Variants in DEFB121 observed in about 807,000 individuals in gnomAD.
The protein encoded by DEFB121 is beta-defensin 121.
Under a neutral mutation model 2.5 loss-of-function variants are expected in DEFB121, and 5 were observed. The observed-to-expected ratio is 1.96, with a 90% confidence interval of 1.03 to 4.13. The LOEUF (loss-of-function observed/expected upper bound fraction) is 4.13. Among genes scored for constraint, DEFB121 ranks in the 30% most tolerant of loss-of-function variants. The pLI is 0.00. For synonymous variants in DEFB121, 39 were observed against 32.6 expected (o/e 1.20, Z -0.67); for missense variants, 87 against 85.0 (o/e 1.02, Z -0.09).
chr20:31,406,400 C>G (rs1039501349), upstream of DEFB121: 6 of 665,720 alleles, frequency 9.0e-6, no homozygotes, highest in African/African-American at 7.5e-5. Context: ...GGCCTTGCCT[C>G]TGAAGAATTT....
upstream of DEFB121, among the ~76,000 whole-genome samples, chr20:31,413,535 G>T (rs1292616957): frequency 6.6e-6 from 1 of 152,202 alleles, no homozygotes. Context: ...TCCACTGAAG[G>T]CTGGCTGGGG....
chr20:31,409,602 A>G (rs1978600856), upstream of DEFB121, among the ~76,000 whole-genome samples: 1 of 152,020 alleles, frequency 6.6e-6, no homozygotes, highest in Non-Finnish European at 1.5e-5. Context: ...TTAGCCAGAC[A>G]TGGTGGCGGG....
At chr20:31,416,833 G>A (rs1343127902), upstream of DEFB121, among the ~76,000 whole-genome samples, 1 of 152,000 alleles carries the variant, frequency 6.6e-6, no homozygotes, top group Non-Finnish European at 1.5e-5. Flanking sequence ...GGTCTATTTG[G>A]TCTTTTTTTT....
upstream of DEFB121, among the ~76,000 whole-genome samples, chr20:31,406,427 A>T (rs576415213): frequency 6.6e-6 from 1 of 152,300 alleles, no homozygotes; most frequent in African/African-American, 2.4e-5. Flanking sequence ...ACAGCTGGAG[A>T]ACCAAGAAGG....
At chr20:31,405,197 G>T in intron 1 of DEFB121, 112 bp from the exon 2 acceptor site, 1 of 1,041,950 alleles carries the variant, frequency 9.6e-7, no homozygotes, top group Non-Finnish European at 1.4e-6. Flanking sequence ...GAGGAGGTCT[G>T]TGGGGAAGAA....
upstream of DEFB121, among the ~76,000 whole-genome samples, chr20:31,406,836 G>T (rs1215995956): frequency 1.3e-5 from 2 of 151,956 alleles, no homozygotes; most frequent in Non-Finnish European, 2.9e-5. Flanking sequence ...GTCTTGTTCT[G>T]TCACCCAGGC....
In DEFB121 at chr20:31,406,136, A is replaced by G. The variant is rs1356366304; in HGVS notation, c.17T>C (p.Leu6Pro). The change falls in exon 1 of 2, where the codon CTG (leucine) becomes CCG (proline). Residue 6 changes from leucine to proline, a missense_variant. Physicochemically the swap from Leu to Pro is moderately conservative, Grantham distance 98. Transcript: ENST00000376314. ...CAGGAGCAGAGTAACAGTCAAAAGC[A>G]GAAGAAGGAGCTTCATGAATGATGA... MKLLL[L>P]LLTVTLLLAQ... is the part of the protein sequence containing the mutation. 3.7e-6 allele frequency: 6 copies of G among 1,613,994 alleles called. No individual in the cohort carries two copies. The highest frequency in any genetic ancestry group is 5.1e-6 in the Non-Finnish European group (6 of 1,179,996).
At chr20:31,407,421 G>A (rs192128257), upstream of DEFB121, among the ~76,000 whole-genome samples, 223 of 152,268 alleles carry the variant, frequency 1.5e-3, no homozygotes, top group Middle Eastern at 6.8e-3. Flanking sequence ...CAGAAGTGAC[G>A]GTGTGCCGGT....
At chr20:31,406,993 G>A (rs1978500881), upstream of DEFB121, among the ~76,000 whole-genome samples, 1 of 151,916 alleles carries the variant, frequency 6.6e-6, no homozygotes, top group African/African-American at 2.4e-5. Flanking sequence ...ATGGTAGATT[G>A]CCCCAGCAAC....
upstream of DEFB121, among the ~76,000 whole-genome samples, chr20:31,409,001 G>A (rs1045872765): frequency 2.0e-5 from 3 of 150,866 alleles, no homozygotes; most frequent in Non-Finnish European, 4.4e-5. Flanking sequence ...ACTCCAGCCT[G>A]AACAACAGGA....
chr20:31,417,039 TC>T (rs1036633553), upstream of DEFB121, among the ~76,000 whole-genome samples: 4 of 152,022 alleles, frequency 2.6e-5, no homozygotes, highest in Non-Finnish European at 5.9e-5. Context: ...TATATAGGCC[TC>T]CCTTCACATT....
At chr20:31,414,994 A>C (rs544983555), upstream of DEFB121, among the ~76,000 whole-genome samples, 4 of 152,264 alleles carry the variant, frequency 2.6e-5, no homozygotes, top group African/African-American at 9.6e-5. Flanking sequence ...TTGAGCCTAA[A>C]AGGTGGAGGC....
At chr20:31,412,743 G>A in exon 1 of DEFB121, 1 of 1,143,166 alleles carries the variant, frequency 8.7e-7, no homozygotes, top group Non-Finnish European at 1.2e-6. Context: ...CAGTAGCTCA[G>A]AGATCTCTCT....
chr20:31,411,099 G>A (rs1227258035), upstream of DEFB121, among the ~76,000 whole-genome samples: 5 of 152,146 alleles, frequency 3.3e-5, no homozygotes, highest in African/African-American at 9.7e-5. Flanking sequence ...ATGATTTATC[G>A]GAATTAATAG....
upstream of DEFB121, chr20:31,412,888 G>A (rs182210974): frequency 3.9e-4 from 100 of 259,420 alleles, no homozygotes; most frequent in Non-Finnish European, 5.0e-4. Flanking sequence ...GGGCACTGGT[G>A]AAAGATAACA....
At chr20:31,416,564 C>G (rs1030114774), upstream of DEFB121, among the ~76,000 whole-genome samples, 2 of 152,074 alleles carry the variant, frequency 1.3e-5, no homozygotes, top group Non-Finnish European at 2.9e-5. Context: ...TTGCATCTGC[C>G]ACGTATCAAA....
chr20:31,411,567 CAA>C (rs11481281), intron 1 of DEFB121, among the ~76,000 whole-genome samples: 8 of 134,958 alleles, frequency 5.9e-5, no homozygotes, highest in Non-Finnish European at 4.9e-5. Context: ...GAACGCAGAG[CAA>C]AAAAAAAAAA....
At position 31,404,944 on chromosome 20, in the gene DEFB121, T is replaced by C; in HGVS notation, c.200A>G (p.Asn67Ser). ...TGCAGAAGTTGATTCCAGGCTTGTA[T>C]TTGTGTCTGTTAATTTTGGTTTTAC... Reference protein sequence around the residue: ...VPVKPKLTDTNTSLESTSAV With the variant: ...VPVKPKLTDTSTSLESTSAV The change falls in exon 2 of 2, where the codon AAT becomes AGT. Residue 67 changes from asparagine to serine, a missense_variant. Asn to Ser is a conservative substitution (Grantham distance 46). Transcript: ENST00000376314. The C allele has an allele frequency of 6.2e-7, 1 of 1,614,074 alleles. No individual in the cohort carries two copies. Among genetic ancestry groups the C allele is most frequent in the Non-Finnish European group, 8.5e-7 (1 of 1,180,014 alleles).
chr20:31,409,518 A>G (rs1674328722), upstream of DEFB121, among the ~76,000 whole-genome samples: 1 of 152,176 alleles, frequency 6.6e-6, no homozygotes, highest in Non-Finnish European at 1.5e-5. Flanking sequence ...AGGTGGGTGG[A>G]TCATCTGAGG....
Sources: allele counts gnomAD v4.1 joint callset (sites outside exome capture counted in the v4.1 genomes callset), GRCh38; gene constraint gnomAD v4.1.1; transcripts MANE v1.5; gene names NCBI Gene and HGNC (gene_info 2026-07-23, HGNC 2026-07-21).